The following PRKCI variants were observed in gnomAD, a reference collection of about 807,000 sequenced individuals.
PRKCI encodes protein kinase C iota type.
PRKCI carries 43 observed loss-of-function variants against 84.0 expected under a neutral mutation model. The observed-to-expected ratio is 0.51, with a 90% CI of 0.40 to 0.66. The LOEUF is 0.66. Ranked by LOEUF, PRKCI falls within the 30% of genes least tolerant of loss-of-function variation. PRKCI has a pLI of 0.00. For missense variants in PRKCI, 459 were observed against 745.6 expected (o/e 0.62, Z 4.48); for synonymous variants, 216 against 234.4 (o/e 0.92, Z 0.72).
At chr3:170,240,697 G>A (rs1297603018) in intron 2 of PRKCI, among the ~76,000 whole-genome samples, 1 of 152,214 alleles carries the variant, frequency 6.6e-6, no homozygotes, top group African/African-American at 2.4e-5. Flanking sequence ...ATCAAAGACA[G>A]GACAGTCACT....
At chr3:170,245,949 GTTTTTTTT>G (rs112482352) in intron 2 of PRKCI, among the ~76,000 whole-genome samples, 1 of 82,462 alleles carries the variant, frequency 1.2e-5, no homozygotes, top group Non-Finnish European at 2.4e-5. Flanking sequence ...TTATGTCTTT[GTTTTTTTT>G]TTTTTTTTTT....
At chr3:170,247,730 CAAAAAAA>C (rs72411481) in intron 2 of PRKCI, among the ~76,000 whole-genome samples, 5 of 27,902 alleles carry the variant, frequency 1.8e-4, no homozygotes, top group African/African-American at 2.9e-4. Flanking sequence ...AACTCTGTCT[CAAAAAAA>C]AAAAAAAAAA....
In PRKCI at chr3:170,303,097, T is replaced by C. The variant is rs1560188925; in HGVS notation, c.1761T>C (p.Pro587=). The C allele has an allele frequency of 3.1e-6, 5 of 1,604,070 alleles. No individual in the cohort carries two copies. The highest frequency in any genetic ancestry group is 3.4e-6 in the Non-Finnish European group (4 of 1,175,870). Reference sequence around the variant, plus strand: ...TTGAAGGTTTTGAGTATATCAATCCTCTTTTGATGTCTGCAGAAGAATGTG... The same window carrying C: ...TTGAAGGTTTTGAGTATATCAATCCCCTTTTGATGTCTGCAGAAGAATGTG... The part of the protein sequence containing the change: ...SEFEGFEYIN[P]LLMSAEECV Residue 587 remains proline (P), a synonymous_variant, in exon 18 of 18, where the codon CCT becomes CCC. Coordinates refer to ENST00000295797, the MANE Select transcript of PRKCI (RefSeq NM_002740.6).
intron 3 of PRKCI, among the ~76,000 whole-genome samples, chr3:170,262,584 G>C (rs373964675): frequency 6.6e-6 from 1 of 152,154 alleles, no homozygotes; most frequent in Non-Finnish European, 1.5e-5. Flanking sequence ...AGGTTCAAGT[G>C]ATTCCCGGGC....
intron 1 of PRKCI, among the ~76,000 whole-genome samples, chr3:170,234,488 A>C (rs1732892089): frequency 6.6e-6 from 1 of 152,228 alleles, no homozygotes; most frequent in Non-Finnish European, 1.5e-5. Flanking sequence ...GACTTTGATA[A>C]GGAAGTTATA....
intron 1 of PRKCI, among the ~76,000 whole-genome samples, chr3:170,225,812 A>G (rs1424214090): frequency 1.3e-5 from 2 of 151,984 alleles, no homozygotes; most frequent in African/African-American, 2.4e-5. Context: ...AAAGATGTGT[A>G]TAGTGTTATT....
intron 3 of PRKCI, among the ~76,000 whole-genome samples, chr3:170,261,458 TTA>T (rs1733725205): frequency 7.5e-6 from 1 of 134,080 alleles, no homozygotes; most frequent in Admixed American, 7.0e-5. Flanking sequence ...TGTTTTTTTT[TTA>T]AAAAAAAAAA....
At chr3:170,279,270 G>T (rs1425646231) in intron 8 of PRKCI, among the ~76,000 whole-genome samples, 2 of 152,234 alleles carry the variant, frequency 1.3e-5, no homozygotes, top group African/African-American at 4.8e-5. Context: ...GGCTCAATCA[G>T]TCCACCTGCT....
intron 2 of PRKCI, among the ~76,000 whole-genome samples, chr3:170,246,492 CT>C (rs1255467795): frequency 6.6e-6 from 1 of 151,848 alleles, no homozygotes; most frequent in Non-Finnish European, 1.5e-5. Flanking sequence ...CAGAGTCTTG[CT>C]ATGTTGCCCA....
In PRKCI at chr3:170,281,870, C is replaced by A. The variant is rs781189219; in HGVS notation, c.981-12C>A. 5.7e-6 allele frequency: 9 copies of A among 1,581,802 alleles called. No individual in the cohort carries two copies. In the East Asian group the frequency reaches 1.6e-4, roughly 28 times the overall value. On this transcript the variant is annotated splice_polypyrimidine_tract_variant and intron_variant, in intron 10 of 17. Coordinates refer to ENST00000295797, the MANE Select transcript of PRKCI (RefSeq NM_002740.6). ...TGGATCTTGATTTCATGGGTTCTCT[C>A]CTGTGTTTTAGATTGTTCTTTGTTA...
chr3:170,302,658 C>T (rs994240861), intron 17 of PRKCI, among the ~76,000 whole-genome samples: 3 of 152,140 alleles, frequency 2.0e-5, no homozygotes, highest in Non-Finnish European at 2.9e-5. Flanking sequence ...TTCTGGGCTA[C>T]ACTATCTAAC....
intron 11 of PRKCI, among the ~76,000 whole-genome samples, chr3:170,284,115 G>T (rs765170886): frequency 5.3e-5 from 8 of 151,856 alleles, no homozygotes; most frequent in Admixed American, 3.3e-4. Context: ...AAGCTTTGAG[G>T]ACTCTGTAGA....
chr3:170,231,994 CAAAA>C (rs1168396286), intron 1 of PRKCI, among the ~76,000 whole-genome samples: 1 of 149,012 alleles, frequency 6.7e-6, no homozygotes, highest in Admixed American at 6.7e-5. Flanking sequence ...GACTCTGTCT[CAAAA>C]AAAACTCAAC....
chr3:170,242,740 G>A (rs61124212), intron 2 of PRKCI, among the ~76,000 whole-genome samples: 1 of 151,396 alleles, frequency 6.6e-6, no homozygotes, highest in Non-Finnish European at 1.5e-5. Context: ...GTGTGATCTC[G>A]GCTCACTGCA....
chr3:170,296,741 G>T (rs1261548207), intron 15 of PRKCI, among the ~76,000 whole-genome samples: 1 of 152,106 alleles, frequency 6.6e-6, no homozygotes, highest in Non-Finnish European at 1.5e-5. Flanking sequence ...AAGGCAAGAG[G>T]TGTTGATATG....
At chr3:170,252,213 C>CAAA (rs558708183) in intron 2 of PRKCI, among the ~76,000 whole-genome samples, 3 of 118,820 alleles carry the variant, frequency 2.5e-5, no homozygotes, top group Admixed American at 9.0e-5. Context: ...GACTCCGTCT[C>CAAA]AAAAAAAAAA....
At chr3:170,229,046 G>A (rs1263988496) in intron 1 of PRKCI, among the ~76,000 whole-genome samples, 4 of 151,974 alleles carry the variant, frequency 2.6e-5, no homozygotes, top group Admixed American at 6.6e-5. Context: ...TGTAGAAGAC[G>A]TGATTTCATT....
chr3:170,269,001 A>G (rs1733934025), intron 5 of PRKCI, among the ~76,000 whole-genome samples: 1 of 152,036 alleles, frequency 6.6e-6, no homozygotes, highest in African/African-American at 2.4e-5. Context: ...TGCAACCTGC[A>G]TCTCTTGGGT....
intron 1 of PRKCI, among the ~76,000 whole-genome samples, chr3:170,230,914 T>C (rs766816617): frequency 6.6e-6 from 1 of 152,006 alleles, no homozygotes; most frequent in Non-Finnish European, 1.5e-5. Flanking sequence ...TAGTTAACTT[T>C]GATATATGTT....
Sources: gnomAD v4.1 joint callset for allele counts (sites outside exome capture counted in the v4.1 genomes callset) on GRCh38, gnomAD v4.1.1 for gene constraint, MANE v1.5 for transcripts, NCBI Gene and HGNC (gene_info 2026-07-23, HGNC 2026-07-21) for gene names.